Variants in RASGRF2 observed in about 807,000 individuals in gnomAD.
RASGRF2 encodes Ras protein specific guanine nucleotide releasing factor 2, also known as ras-specific guanine nucleotide-releasing factor 2.
In RASGRF2, 76 loss-of-function variants were observed where a neutral mutation model predicts 151.0. That is an observed-to-expected ratio of 0.50 (90% CI 0.42 to 0.61). The LOEUF is 0.61. Among genes scored for constraint, RASGRF2 ranks in the 20% least tolerant of loss-of-function variants. The pLI, the probability that RASGRF2 is intolerant of heterozygous loss-of-function variation, is 0.00. For missense variants in RASGRF2, 1,148 were observed against 1,564.6 expected, an observed-to-expected ratio of 0.73 and a Z score of 4.49; for synonymous variants, 504 against 566.5, an observed-to-expected ratio of 0.89 and a Z score of 1.57.
intron 1 of RASGRF2, among the ~76,000 whole-genome samples, chr5:80,996,627 C>T (rs1307529106): frequency 2.2e-5 from 3 of 138,800 alleles, no homozygotes; most frequent in African/African-American, 8.1e-5. Flanking sequence ...AAAAGTCTCA[C>T]TTTGTCCTGT....
chr5:81,127,618 G>A (rs1161974632), intron 17 of RASGRF2, among the ~76,000 whole-genome samples: 3 of 152,014 alleles, frequency 2.0e-5, no homozygotes, highest in Admixed American at 6.6e-5. Flanking sequence ...TTTTAAATGA[G>A]CATCTTCAGA....
At chr5:81,221,472 T>C (rs149947628) in intron 26 of RASGRF2, among the ~76,000 whole-genome samples, 181 of 152,348 alleles carry the variant, frequency 1.2e-3, no homozygotes, top group African/African-American at 4.2e-3. Flanking sequence ...TCGGGTGCTC[T>C]TTCAGTTGAC....
At chr5:81,067,387 C>T (rs1261855767) in intron 2 of RASGRF2, among the ~76,000 whole-genome samples, 2 of 152,148 alleles carry the variant, frequency 1.3e-5, no homozygotes, top group Non-Finnish European at 2.9e-5. Context: ...TTTTACCATA[C>T]TTGACCAAAG....
At chr5:80,990,218 G>GT (rs10558206) in intron 1 of RASGRF2, among the ~76,000 whole-genome samples, 29,861 of 137,804 alleles carry the variant, frequency 0.22, 3,649 homozygotes, top group Middle Eastern at 0.42. Flanking sequence ...ACTGCCAGAT[G>GT]TTTTTTTTTT....
intron 18 of RASGRF2, among the ~76,000 whole-genome samples, chr5:81,190,015 T>G (rs1211837446): frequency 3.3e-5 from 5 of 152,152 alleles, no homozygotes; most frequent in African/African-American, 1.2e-4. Flanking sequence ...CCCGACACAC[T>G]TTTATGTCAG....
rs777630447 is a variant in RASGRF2, at chr5:81,113,868, C to T, written c.2418C>T (p.Val806=). 13 of 1,614,016 alleles carry T rather than the reference C, an allele frequency of 8.1e-6. No homozygotes were observed. The highest frequency in any genetic ancestry group is 1.6e-4 in the Middle Eastern group (1 of 6,084). ...EQSPGTVEEN[V]DNPRVDLCNK... ...GCCCGGGAACGGTAGAAGAGAATGTCGATAACCCACGCGTGGATCTGTGTA... is the reference window on the plus strand; with the variant it reads ...GCCCGGGAACGGTAGAAGAGAATGTTGATAACCCACGCGTGGATCTGTGTA... The change falls in exon 15 of 27, where the codon GTC becomes GTT. Residue 806 remains valine (V), a synonymous_variant. Transcript: ENST00000265080.
intron 22 of RASGRF2, among the ~76,000 whole-genome samples, chr5:81,208,814 G>A (rs1289232098): frequency 6.6e-6 from 1 of 152,028 alleles, no homozygotes; most frequent in Non-Finnish European, 1.5e-5. Context: ...GCCTCCCAAA[G>A]TGTTGGGATT....
At chr5:81,203,670 C>A (rs1755444397) in intron 19 of RASGRF2, among the ~76,000 whole-genome samples, 1 of 152,192 alleles carries the variant, frequency 6.6e-6, no homozygotes, top group Admixed American at 6.5e-5. Context: ...TTGGCTCGGC[C>A]ATTTATGGAT....
intron 2 of RASGRF2, among the ~76,000 whole-genome samples, chr5:81,051,247 G>GTTT (rs1358977168): frequency 6.6e-6 from 1 of 152,118 alleles, no homozygotes; most frequent in Admixed American, 6.5e-5. Context: ...TGACATTAGA[G>GTTT]TTTTTGAATT....
At chr5:81,090,411 CTAAG>C (rs1415898801) in intron 9 of RASGRF2, among the ~76,000 whole-genome samples, 3 of 152,182 alleles carry the variant, frequency 2.0e-5, no homozygotes, top group African/African-American at 7.2e-5. Context: ...TAAATGAATA[CTAAG>C]TATTTCTCTA....
chr5:81,055,764 C>A (rs1751183573), intron 2 of RASGRF2, among the ~76,000 whole-genome samples: 1 of 152,034 alleles, frequency 6.6e-6, no homozygotes, highest in South Asian at 2.1e-4. Context: ...TGGTCCTGGA[C>A]TTTTTTTGGT....
chr5:81,002,659 T>C (rs1195787612), intron 1 of RASGRF2, among the ~76,000 whole-genome samples: 1 of 152,242 alleles, frequency 6.6e-6, no homozygotes, highest in African/African-American at 2.4e-5. Flanking sequence ...TTTGTATTTA[T>C]TGAATATCAA....
At chr5:81,219,511 T>C (rs1309976569) in intron 25 of RASGRF2, 199 bp from the exon 26 acceptor site, 4 of 496,176 alleles carry the variant, frequency 8.1e-6, no homozygotes, top group Non-Finnish European at 1.4e-5. Flanking sequence ...AGTATCTTTT[T>C]GCTTTTGGCA....
chr5:81,036,255 A>C (rs1027043087), intron 1 of RASGRF2, among the ~76,000 whole-genome samples: 20 of 152,132 alleles, frequency 1.3e-4, no homozygotes, highest in African/African-American at 4.3e-4. Context: ...TTCCTGGTGA[A>C]TCGTTATAGT....
At chr5:81,030,944 G>A (rs1325444496) in intron 1 of RASGRF2, among the ~76,000 whole-genome samples, 1 of 152,166 alleles carries the variant, frequency 6.6e-6, no homozygotes, top group Non-Finnish European at 1.5e-5. Flanking sequence ...AAAATAAAGG[G>A]ATGGAGGAAG....
At chr5:81,092,040 TA>T (rs1218816952) in intron 9 of RASGRF2, among the ~76,000 whole-genome samples, 3 of 152,090 alleles carry the variant, frequency 2.0e-5, no homozygotes, top group East Asian at 1.9e-4. Flanking sequence ...ATTTTTGGGG[TA>T]GGGGGAGGTT....
At chr5:81,113,374 G>A (rs541932588) in intron 14 of RASGRF2, 164 bp from the exon 15 acceptor site, 74 of 793,984 alleles carry the variant, frequency 9.3e-5, no homozygotes, top group Non-Finnish European at 1.4e-4. Context: ...GTGCTTCTTT[G>A]GCAGGTGGAG....
Position 81,094,278 on chromosome 5 carries a change from A to C in RASGRF2, c.1552-18A>C. On this transcript the variant is annotated intron_variant, in intron 10 of 26. Transcript: ENST00000265080. ...ACAAGACCTTCAGCGTCTTAGTGAA[A>C]AATTGGTTTGTTTCCAGACAGGTGG... The C allele has an allele frequency of 6.2e-7, 1 of 1,609,642 alleles. No homozygotes were observed. Among genetic ancestry groups the C allele is most frequent in the South Asian group, 1.1e-5 (1 of 90,630 alleles).
chr5:81,102,778 G>C lies in RASGRF2; in HGVS notation c.1756-6218G>C, dbSNP rs1184931348. ...CACATGGTGTAAAGTGCCAAACTGA[G>C]AAATTGTTATAAAAATAACTTTTGA... On this transcript the variant is annotated intron_variant, in intron 12 of 26. Transcript: ENST00000265080. Among the ~76,000 whole-genome samples the C allele has an allele frequency of 1.3e-4, 20 of 151,774 alleles. 1 individual carries two copies. Among genetic ancestry groups the C allele is most frequent in the Admixed American group, 1.3e-3 (20 of 15,236 alleles).
Sources: allele counts gnomAD v4.1 joint callset (sites outside exome capture counted in the v4.1 genomes callset), GRCh38; gene constraint gnomAD v4.1.1; transcripts MANE v1.5; gene names NCBI Gene and HGNC (gene_info 2026-07-23, HGNC 2026-07-21).